The following GPR35 variants were observed in gnomAD, a reference collection of about 807,000 sequenced individuals.
The protein encoded by GPR35 is G protein-coupled receptor 35, also known as KYNA receptor.
For synonymous variants in GPR35, 207 were observed against 198.4 expected, an observed-to-expected ratio of 1.04 and a Z score of -0.36; for missense variants, 372 against 422.5, an observed-to-expected ratio of 0.88 and a Z score of 1.05.
At position 240,632,198 on chromosome 2, in the gene GPR35, G is replaced by A. The variant is rs568853870; in HGVS notation, c.*1316G>A. On this transcript the variant is annotated 3_prime_UTR_variant, in exon 2 of 2. Transcript: ENST00000407714. ...GGGTGTCCATGCCTGGTTGGGGGGG[G>A]TCTATGTCCAGGAGGGTCCCATGCC... 6.6e-6 allele frequency among the ~76,000 whole-genome samples: 1 copy of A among 151,686 alleles called. No individual in the cohort carries two copies. Among genetic ancestry groups the A allele is most frequent in the East Asian group, 2.0e-4 (1 of 5,100 alleles).
chr2:240,631,565 T>G lies in GPR35; in HGVS notation c.*683T>G. On this transcript the variant is annotated 3_prime_UTR_variant, in exon 2 of 2. Transcript: ENST00000407714. ...GGGGGGGTGACCAAGGTCAAGCAGG[T>G]GAGGGTGGGTTGGGGTGGGTGGCAG... Among the ~76,000 whole-genome samples, 1 of 142,914 alleles carries G rather than the reference T, an allele frequency of 7.0e-6. No individual in the cohort carries two copies. The highest frequency in any genetic ancestry group is 2.6e-5 in the African/African-American group (1 of 38,702). 93.8% of individuals were successfully genotyped at this position (142,914 alleles called of 152,430 possible).
chr2:240,615,102 T>C lies in GPR35; in HGVS notation c.-576-1286T>C, dbSNP rs543546501. Among the ~76,000 whole-genome samples the C allele has an allele frequency of 2.7e-5, 4 of 148,732 alleles. No individual in the cohort carries two copies. The East Asian group carries it at 7.7e-4, about 29-fold the overall frequency. ...ATGTTTACATGTGTCTGTGTGTGTATGTATATGCCTGTGCTTGTGTGTGTG... is the reference window on the plus strand; with the variant it reads ...ATGTTTACATGTGTCTGTGTGTGTACGTATATGCCTGTGCTTGTGTGTGTG... On this transcript the variant is annotated intron_variant, in intron 2 of 5. Coordinates refer to the GPR35 transcript ENST00000319838.
chr2:240,631,044 C>G lies in GPR35; in HGVS notation c.*162C>G, dbSNP rs1003901961. ...GGCAGGGACGGCCCAGGTACCTGCT[C>G]TCTTGGGAAGAGAGAGGGACAGGGA... On this transcript the variant is annotated 3_prime_UTR_variant, in exon 2 of 2. Transcript: ENST00000407714. 1.6e-6 allele frequency: 1 copy of G among 641,358 alleles called. No individual in the cohort carries two copies. The highest frequency in any genetic ancestry group is 2.7e-5 in the East Asian group (1 of 36,488). The allele number at this position is 641,358 out of a possible 1,614,324, so 39.7% of individuals were successfully genotyped here. A position where few individuals can be genotyped will look rare whatever the true frequency, so the allele number is the denominator to read the frequency against.
intron 2 of GPR35, among the ~76,000 whole-genome samples, chr2:240,614,491 C>A (rs2125477400): frequency 6.6e-6 from 1 of 152,332 alleles, no homozygotes; most frequent in East Asian, 1.9e-4. Context: ...GCCTTGGTTT[C>A]CCCACCTGTG....
Position 240,630,795 on chromosome 2 carries a change from G to A in GPR35, c.843G>A (p.Lys281=), listed in dbSNP as rs762801035. The A allele has an allele frequency of 1.2e-6, 2 of 1,613,442 alleles. No homozygotes were observed. Among genetic ancestry groups the A allele is most frequent in the Non-Finnish European group, 1.7e-6 (2 of 1,180,018 alleles). ...LDAICYYYMA[K]EFQEASALAV... Reference sequence around the variant, plus strand: ...CCATCTGCTACTACTACATGGCCAAGGAGTTCCAGGAGGCGTCTGCACTGG... The same window carrying A: ...CCATCTGCTACTACTACATGGCCAAAGAGTTCCAGGAGGCGTCTGCACTGG... Residue 281 remains lysine, a synonymous_variant, in exon 2 of 2, where the codon AAG becomes AAA. Coordinates refer to ENST00000407714, the MANE Select transcript of GPR35 (RefSeq NM_005301.5).
At chr2:240,628,943 G>C (rs971277727) in intron 1 of GPR35, 1 of 152,284 alleles carries the variant, frequency 6.6e-6, no homozygotes, top group African/African-American at 2.4e-5. Flanking sequence ...ACCTGCCTGC[G>C]TGTGACACCA....
At chr2:240,625,725 G>C (rs2043362717) in intron 1 of GPR35, among the ~76,000 whole-genome samples, 157 bp downstream of exon 1, 2 of 151,178 alleles carry the variant, frequency 1.3e-5, no homozygotes, top group African/African-American at 4.8e-5. Context: ...CTCAGAGCGA[G>C]GTGAGGCTGT....
Position 240,631,838 on chromosome 2 carries a change from C to A in GPR35, c.*956C>A, listed in dbSNP as rs2043452469. ...AGCACGGCCTGGGCTCAAACCCCATCCTGTCATCCCATATTGCATGTCCAC... is the reference window on the plus strand; with the variant it reads ...AGCACGGCCTGGGCTCAAACCCCATACTGTCATCCCATATTGCATGTCCAC... On this transcript the variant is annotated 3_prime_UTR_variant, in exon 2 of 2. Transcript: ENST00000407714. Among the ~76,000 whole-genome samples, 1 of 152,250 alleles carries A rather than the reference C, an allele frequency of 6.6e-6. No homozygotes were observed. Among genetic ancestry groups the A allele is most frequent in the African/African-American group, 2.4e-5 (1 of 41,474 alleles).
chr2:240,620,950 G>A (rs79396310), upstream of GPR35, among the ~76,000 whole-genome samples: 13 of 152,322 alleles, frequency 8.5e-5, no homozygotes, highest in Admixed American at 7.8e-4. Flanking sequence ...CAGTGACACC[G>A]CCAGGCTTTA....
intron 1 of GPR35, 126 bp downstream of exon 1, chr2:240,625,694 G>T: frequency 1.0e-5 from 3 of 297,394 alleles, no homozygotes; most frequent in Non-Finnish European, 1.6e-5. Flanking sequence ...CTCAGAGTGG[G>T]GTGAGGCTGT....
chr2:240,614,391 C>G (rs970249055), intron 2 of GPR35, among the ~76,000 whole-genome samples: 3 of 152,248 alleles, frequency 2.0e-5, no homozygotes, highest in African/African-American at 7.2e-5. Flanking sequence ...CAGCCAATGT[C>G]AGACCTCACC....
In GPR35 at chr2:240,612,527, C is replaced by G. The variant is rs558229522; in HGVS notation, c.-576-3861C>G. On this transcript the variant is annotated intron_variant, in intron 2 of 5. Transcript: ENST00000319838. ...CTGCCTGTCAGCTGTGCTCTGGGCT[C>G]TAGGGACATGGGAGTCCAAAGGGCT... Among the ~76,000 whole-genome samples the G allele has an allele frequency of 1.4e-4, 21 of 151,764 alleles. No individual in the cohort carries two copies. The East Asian group carries it at 3.7e-3, about 27-fold the overall frequency.
At chr2:240,611,988 G>A (rs766516027) in intron 2 of GPR35, among the ~76,000 whole-genome samples, 8 of 152,222 alleles carry the variant, frequency 5.3e-5, no homozygotes, top group Admixed American at 2.0e-4. Context: ...ACAAGGAAGC[G>A]TGTGTCATGG....
chr2:240,615,598 T>TC (rs909551077), intron 2 of GPR35, among the ~76,000 whole-genome samples: 70 of 152,334 alleles, frequency 4.6e-4, no homozygotes, highest in Non-Finnish European at 3.1e-4. Context: ...TTCACCACAC[T>TC]CCATCTATGG....
chr2:240,617,403 TTG>T (rs1203193064), intron 4 of GPR35: 9 of 613,828 alleles, frequency 1.5e-5, no homozygotes, highest in Non-Finnish European at 2.4e-5. Flanking sequence ...GGTAATTTTT[TTG>T]TGTAGCAATA....
intron 1 of GPR35, among the ~76,000 whole-genome samples, chr2:240,626,065 G>T (rs1575468488): frequency 1.1e-5 from 1 of 87,346 alleles, no homozygotes; most frequent in African/African-American, 4.2e-5. Context: ...CTGTGATGGG[G>T]GTCTCAGAGT....
chr2:240,630,164 G>T lies in GPR35; in HGVS notation c.212G>T (p.Cys71Phe). 1 of 1,596,036 alleles carries T rather than the reference G, an allele frequency of 6.3e-7. No homozygotes were observed. Among genetic ancestry groups the T allele is most frequent in the Non-Finnish European group, 8.5e-7 (1 of 1,174,504 alleles). The part of the protein sequence containing the change: ...NLAVADLCLL[C>F]TLPFVLHSLR... ...GCGGTGGCCGACCTCTGCCTGCTGT[G>T]CACCTTGCCCTTCGTGCTGCACTCC... Residue 71 changes from cysteine to phenylalanine, a missense_variant, in exon 2 of 2, where the codon TGC (cysteine) becomes TTC (phenylalanine). Transcript: ENST00000407714.
chr2:240,613,916 C>T (rs2043212514), intron 2 of GPR35, among the ~76,000 whole-genome samples: 1 of 151,498 alleles, frequency 6.6e-6, no homozygotes, highest in Admixed American at 6.6e-5. Context: ...CTAACTCCAA[C>T]AACCATAACC....
intron 2 of GPR35, among the ~76,000 whole-genome samples, chr2:240,611,561 G>A (rs369618774): frequency 5.9e-5 from 9 of 152,170 alleles, no homozygotes; most frequent in African/African-American, 1.2e-4. Flanking sequence ...AGGAGGAATG[G>A]GGGGAGAAAG....
Sources: gnomAD v4.1 joint callset for allele counts (sites outside exome capture counted in the v4.1 genomes callset) on GRCh38, gnomAD v4.1.1 for gene constraint, MANE v1.5 for transcripts, NCBI Gene and HGNC (gene_info 2026-07-23, HGNC 2026-07-21) for gene names.